The following PLB1 variants were observed in gnomAD, a reference collection of about 807,000 sequenced individuals.
The protein encoded by PLB1 is phospholipase B1.
In PLB1, 242 loss-of-function variants were observed where a neutral mutation model predicts 227.4. The ratio of observed to expected loss-of-function variants is 1.06; its 90% confidence interval spans 0.96 to 1.18. The LOEUF is 1.18. PLB1 is among the 50% of genes most tolerant of loss of function. The probability of loss-of-function intolerance (pLI) is 0.00; values close to 1 mark genes in which losing one functional copy is unlikely to be tolerated. For synonymous variants in PLB1, 757 were observed against 682.2 expected (o/e 1.11, Z -1.71); for missense variants, 1,858 against 1,816.3 (o/e 1.02, Z -0.42).
chr2:28,592,530 T>G, intron 31 of PLB1, 131 bp from the exon 32 acceptor site: 1 of 885,082 alleles, frequency 1.1e-6, no homozygotes, highest in Non-Finnish European at 1.9e-6. Context: ...CATGGCACTG[T>G]GCACACCCAG....
chr2:28,542,225 G>C (rs1359501555), intron 13 of PLB1, among the ~76,000 whole-genome samples: 1 of 151,768 alleles, frequency 6.6e-6, no homozygotes, highest in African/African-American at 2.4e-5. Context: ...ACCCCAATAA[G>C]CCTCAGCCCA....
At chr2:28,517,827 A>G (rs59594773) in intron 2 of PLB1, among the ~76,000 whole-genome samples, 4,045 of 150,928 alleles carry the variant, frequency 0.027, 174 homozygotes, top group African/African-American at 0.094. Flanking sequence ...AGTACTTTAC[A>G]TTACTGTGCA....
intron 44 of PLB1, 130 bp downstream of exon 44, chr2:28,614,226 T>G (rs1052097644): frequency 2.1e-6 from 2 of 955,740 alleles, no homozygotes; most frequent in Admixed American, 3.9e-5. Flanking sequence ...GGGATTGGAA[T>G]GTACAGAAAA....
chr2:28,636,005 G>GAA (rs1345205584), intron 56 of PLB1, among the ~76,000 whole-genome samples: 40 of 133,804 alleles, frequency 3.0e-4, no homozygotes, highest in Admixed American at 9.5e-4. Context: ...GTATGTATGT[G>GAA]TATGTATGTA....
At chr2:28,519,281 G>A (rs1455101206) in intron 3 of PLB1, among the ~76,000 whole-genome samples, 1 of 152,166 alleles carries the variant, frequency 6.6e-6, no homozygotes, top group East Asian at 1.9e-4. Flanking sequence ...CTATTCTCTG[G>A]CAATCTTCAA....
chr2:28,540,431 G>A lies in PLB1; in HGVS notation c.764G>A (p.Trp255Ter), dbSNP rs769964892. 6.2e-7 allele frequency: 1 copy of A among 1,613,896 alleles called. No individual in the cohort carries two copies. Among genetic ancestry groups the A allele is most frequent in the South Asian group, 1.1e-5 (1 of 91,046 alleles). The change falls in exon 12 of 58, where the codon TGG (tryptophan) becomes TAG (stop). Residue 255 changes from tryptophan (W) to a stop codon, truncating the protein, a stop_gained. Transcript: ENST00000327757. LOFTEE classifies it high-confidence loss of function. The part of the protein sequence containing the change: ...TTRLAKVVMQ[W>*]SYQEAWNSLL... The stretch of plus-strand genomic sequence containing the variant: ...CGGCTGGCCAAGGTGGTGATGCAGT[G>A]GTCTTATCAGGTGAGCCCAACCTGG...
chr2:28,511,699 C>G (rs192431199), intron 1 of PLB1, among the ~76,000 whole-genome samples: 63 of 152,144 alleles, frequency 4.1e-4, no homozygotes, highest in African/African-American at 1.5e-3. Flanking sequence ...CTGTGCTTAT[C>G]CTACTTAACG....
chr2:28,634,705 A>G (rs1289753824), intron 56 of PLB1, among the ~76,000 whole-genome samples: 1 of 152,170 alleles, frequency 6.6e-6, no homozygotes, highest in Non-Finnish European at 1.5e-5. Flanking sequence ...CCCAGGAATT[A>G]GACACCAACC....
intron 17 of PLB1, among the ~76,000 whole-genome samples, chr2:28,560,604 C>T (rs552092414): frequency 1.1e-4 from 17 of 152,196 alleles, no homozygotes; most frequent in Non-Finnish European, 2.2e-4. Flanking sequence ...CATGATCACA[C>T]GCCACAGCCT....
At chr2:28,591,899 G>T (rs901631831) in intron 31 of PLB1, 139 bp downstream of exon 31, 1 of 830,282 alleles carries the variant, frequency 1.2e-6, no homozygotes, top group Admixed American at 2.2e-5. Flanking sequence ...GTGGTCACCT[G>T]GGATGAGTCC....
intron 44 of PLB1, 67 bp from the exon 45 acceptor site, chr2:28,617,660 T>C (rs1686383034): frequency 1.2e-5 from 18 of 1,509,100 alleles, no homozygotes; most frequent in Middle Eastern, 1.7e-4. Flanking sequence ...CTGGTTCTTC[T>C]TGGGCTGAAG....
chr2:28,538,302 C>T lies in PLB1; in HGVS notation c.556-17C>T, dbSNP rs373079917. The T allele has an allele frequency of 3.7e-5, 59 of 1,614,096 alleles. No homozygotes were observed. Among genetic ancestry groups the T allele is most frequent in the Middle Eastern group, 1.6e-4 (1 of 6,062 alleles). ...CTCCTGCAGGCACCCTCACTTAGCACGGTTCTCCTCTCACAGAATGGGCTT... is the reference window on the plus strand; with the variant it reads ...CTCCTGCAGGCACCCTCACTTAGCATGGTTCTCCTCTCACAGAATGGGCTT... On this transcript the variant is annotated splice_polypyrimidine_tract_variant and intron_variant, in intron 9 of 57. Transcript: ENST00000327757.
intron 17 of PLB1, among the ~76,000 whole-genome samples, chr2:28,555,401 C>T (rs1674922027): frequency 6.6e-6 from 1 of 152,130 alleles, no homozygotes; most frequent in African/African-American, 2.4e-5. Context: ...CGTGGCCTCC[C>T]AAAGTGCTGG....
At chr2:28,606,403 T>C (rs1037291799) in intron 42 of PLB1, 93 bp from the exon 43 acceptor site, 4 of 1,306,370 alleles carry the variant, frequency 3.1e-6, no homozygotes, top group African/African-American at 1.5e-5. Flanking sequence ...AATCGAGTTC[T>C]GAGCTTTCCC....
At chr2:28,593,298 G>A (rs2148287627) in intron 32 of PLB1, among the ~76,000 whole-genome samples, 1 of 152,340 alleles carries the variant, frequency 6.6e-6, no homozygotes, top group South Asian at 2.1e-4. Flanking sequence ...AGTCGCTTAA[G>A]CCAATGAGCT....
At chr2:28,604,169 G>A in intron 40 of PLB1, 122 bp downstream of exon 40, 1 of 920,608 alleles carries the variant, frequency 1.1e-6, no homozygotes, top group Non-Finnish European at 1.7e-6. Flanking sequence ...TGGGGAGACG[G>A]GGAGCAGCCT....
intron 1 of PLB1, among the ~76,000 whole-genome samples, chr2:28,499,769 C>T (rs1666870064): frequency 6.6e-6 from 1 of 152,036 alleles, no homozygotes; most frequent in Admixed American, 6.6e-5. Flanking sequence ...CCTGTAATCC[C>T]AGCTGTTCGG....
At chr2:28,543,331 G>T in intron 14 of PLB1, 63 bp downstream of exon 14, 2 of 1,549,178 alleles carry the variant, frequency 1.3e-6, no homozygotes, top group South Asian at 2.3e-5. Flanking sequence ...CCACCACTGA[G>T]CCCACCGTGC....
chr2:28,586,010 G>A (rs1680848173), intron 26 of PLB1, among the ~76,000 whole-genome samples, 168 bp downstream of exon 26: 2 of 152,130 alleles, frequency 1.3e-5, no homozygotes, highest in African/African-American at 4.8e-5. Context: ...CTGCTACTTG[G>A]TTTGTATGAA....
Sources: allele counts gnomAD v4.1 joint callset (sites outside exome capture counted in the v4.1 genomes callset), GRCh38; gene constraint gnomAD v4.1.1; transcripts MANE v1.5; gene names NCBI Gene and HGNC (gene_info 2026-07-23, HGNC 2026-07-21).